Variants in C10orf90 observed in about 807,000 individuals in gnomAD.
C10orf90 encodes (E2-independent) E3 ubiquitin-conjugating enzyme FATS.
Under a neutral mutation model 62.5 loss-of-function variants are expected in C10orf90, and 56 were observed. The ratio of observed to expected loss-of-function variants is 0.90; its 90% CI spans 0.72 to 1.12. C10orf90 has a LOEUF of 1.12. Ranked by LOEUF, C10orf90 falls within the 50% of genes most tolerant of loss-of-function variation. The probability of loss-of-function intolerance (pLI) is 0.00; values close to 1 mark genes in which losing one functional copy is unlikely to be tolerated. For missense variants in C10orf90, 970 were observed against 880.4 expected, an observed-to-expected ratio of 1.10 and a Z score of -1.29; for synonymous variants, 386 against 340.4, an observed-to-expected ratio of 1.13 and a Z score of -1.47.
chr10:126,620,154 T>C (rs140796107), intron 2 of C10orf90, among the ~76,000 whole-genome samples: 1 of 152,346 alleles, frequency 6.6e-6, no homozygotes, highest in Non-Finnish European at 1.5e-5. Context: ...GTCAGCAACA[T>C]TTTCCTTTAT....
intron 4 of C10orf90, among the ~76,000 whole-genome samples, chr10:126,497,240 G>A (rs1231838101): frequency 1.3e-5 from 2 of 152,250 alleles, no homozygotes; most frequent in East Asian, 1.9e-4. Flanking sequence ...TTGAATTGCA[G>A]TGGGCACCTG....
intron 2 of C10orf90, among the ~76,000 whole-genome samples, chr10:126,580,985 G>A (rs867427201): frequency 2.0e-5 from 3 of 152,092 alleles, no homozygotes; most frequent in Non-Finnish European, 4.4e-5. Flanking sequence ...CAGTTGTTGC[G>A]GGAGGCATAG....
At chr10:126,502,092 CCACACACACACCA>C (rs1564837409) in intron 4 of C10orf90, among the ~76,000 whole-genome samples, 1 of 137,456 alleles carries the variant, frequency 7.3e-6, no homozygotes, top group Non-Finnish European at 1.6e-5. Context: ...CACCACACAA[CCACACACACACCA>C]CACACACACA....
intron 6 of C10orf90, among the ~76,000 whole-genome samples, chr10:126,459,658 C>G (rs1424088184): frequency 6.6e-6 from 1 of 152,226 alleles, no homozygotes; most frequent in Non-Finnish European, 1.5e-5. Context: ...AGCACAGACA[C>G]AGATCATCCA....
chr10:126,448,840 T>C lies in C10orf90; in HGVS notation c.2188+10200A>G, dbSNP rs11528568. On this transcript the variant is annotated intron_variant, in intron 7 of 9. Coordinates refer to ENST00000488181, the MANE Select transcript of C10orf90 (RefSeq NM_001350921.2). Reference sequence around the variant, plus strand: ...CTGCCAAGACTGAATTGTGGAGAAATAGAAAATCCTAACAGAGTCACAGTG... The same window carrying C: ...CTGCCAAGACTGAATTGTGGAGAAACAGAAAATCCTAACAGAGTCACAGTG... Among the ~76,000 whole-genome samples, 31 of 152,222 alleles carry C rather than the reference T, an allele frequency of 2.0e-4. No homozygotes were observed. The East Asian group carries it at 5.6e-3, about 27-fold the overall frequency.
chr10:126,491,871 T>C (rs1209389848), intron 4 of C10orf90, among the ~76,000 whole-genome samples: 2 of 152,146 alleles, frequency 1.3e-5, no homozygotes, highest in Non-Finnish European at 2.9e-5. Context: ...AAACTTACAC[T>C]GTACAGGAAA....
intron 2 of C10orf90, among the ~76,000 whole-genome samples, chr10:126,562,481 G>C (rs1864924679): frequency 6.6e-6 from 1 of 152,172 alleles, no homozygotes; most frequent in South Asian, 2.1e-4. Flanking sequence ...TCCCAGACAA[G>C]CCAGCTGGAA....
intron 2 of C10orf90, among the ~76,000 whole-genome samples, chr10:126,586,142 C>G (rs6597786): frequency 0.77 from 117,219 of 152,232 alleles, 48,212 homozygotes; most frequent in Non-Finnish European, 0.93. Context: ...TTCCTAATAG[C>G]CAGCCTTAAT....
chr10:126,429,718 C>A, intron 8 of C10orf90, 69 bp downstream of exon 8: 1 of 1,284,226 alleles, frequency 7.8e-7, no homozygotes, highest in Non-Finnish European at 1.1e-6. Flanking sequence ...CATTGGAGGG[C>A]ACCTGAAGCC....
At chr10:126,457,400 C>T (rs1051771974) in intron 7 of C10orf90, among the ~76,000 whole-genome samples, 1 of 152,198 alleles carries the variant, frequency 6.6e-6, no homozygotes, top group East Asian at 1.9e-4. Context: ...GATGGTGTTC[C>T]AGACCACTTG....
chr10:126,498,534 T>C (rs1429657039), intron 4 of C10orf90, among the ~76,000 whole-genome samples: 1 of 151,892 alleles, frequency 6.6e-6, no homozygotes, highest in Non-Finnish European at 1.5e-5. Flanking sequence ...CATTATGGAG[T>C]CACAGAGCGG....
At chr10:126,602,881 C>T (rs553331979) in intron 2 of C10orf90, among the ~76,000 whole-genome samples, 161 of 151,528 alleles carry the variant, frequency 1.1e-3, no homozygotes, top group Admixed American at 1.9e-3. Context: ...AAATACATTC[C>T]AAAGGGCAGT....
chr10:126,555,243 T>C lies in C10orf90; in HGVS notation c.314-41304A>G, dbSNP rs1591093389. ...CTTGAATGTTTATGGGATAAATGGA[T>C]TGGGCTTTGGTAGCAGAGGGGTGAG... On this transcript the variant is annotated intron_variant, in intron 2 of 9. Transcript: ENST00000488181. 2.6e-5 allele frequency among the ~76,000 whole-genome samples: 4 copies of C among 152,196 alleles called. No individual in the cohort carries two copies. The South Asian group carries it at 8.3e-4, about 32-fold the overall frequency.
At chr10:126,478,101 T>C (rs952303584) in intron 4 of C10orf90, among the ~76,000 whole-genome samples, 3 of 152,202 alleles carry the variant, frequency 2.0e-5, no homozygotes, top group African/African-American at 7.2e-5. Flanking sequence ...TGGAATAACC[T>C]GGGATCCTTG....
Position 126,464,677 on chromosome 10 carries a change from C to T in C10orf90, c.1825+19G>A. The T allele has an allele frequency of 1.3e-6, 2 of 1,586,814 alleles. No homozygotes were observed. On this transcript the variant is annotated intron_variant, in intron 5 of 9. Transcript: ENST00000488181. Reference sequence around the variant, plus strand: ...AATGTCAAGACCAAATGATGTCACCCACCACCCTCGCTCCTTACCTTTGGG... The same window carrying T: ...AATGTCAAGACCAAATGATGTCACCTACCACCCTCGCTCCTTACCTTTGGG...
chr10:126,625,300 C>A (rs925394266), intron 2 of C10orf90, among the ~76,000 whole-genome samples: 1 of 152,170 alleles, frequency 6.6e-6, no homozygotes, highest in Non-Finnish European at 1.5e-5. Flanking sequence ...CACACAGAGG[C>A]CAAGCAGGAT....
rs1381034029 is a variant in C10orf90, at chr10:126,503,942, G to A, written c.1534+15C>T. The stretch of plus-strand genomic sequence containing the variant: ...TTACTCAGGTCACCCTCCTGCAGAT[G>A]GACGCACCACTCACCTGCCCTGTAA... On this transcript the variant is annotated intron_variant, in intron 4 of 9. Transcript: ENST00000488181. The A allele has an allele frequency of 6.3e-7, 1 of 1,596,418 alleles. No individual in the cohort carries two copies. The highest frequency in any genetic ancestry group is 8.5e-7 in the Non-Finnish European group (1 of 1,171,238).
chr10:126,550,327 A>G (rs1487033734), intron 2 of C10orf90, among the ~76,000 whole-genome samples: 1 of 152,138 alleles, frequency 6.6e-6, no homozygotes, highest in Non-Finnish European at 1.5e-5. Flanking sequence ...GAGGTTAGGA[A>G]GAGGGAGGTG....
chr10:126,562,220 C>T (rs146682072), intron 2 of C10orf90, among the ~76,000 whole-genome samples: 1 of 152,156 alleles, frequency 6.6e-6, no homozygotes, highest in Non-Finnish European at 1.5e-5. Context: ...GCTGCGTGCA[C>T]GTGCTAGCAT....
Sources: gnomAD v4.1 joint callset for allele counts (sites outside exome capture counted in the v4.1 genomes callset) on GRCh38, gnomAD v4.1.1 for gene constraint, MANE v1.5 for transcripts, NCBI Gene and HGNC (gene_info 2026-07-23, HGNC 2026-07-21) for gene names.